Variants in MAP6 observed in about 807,000 individuals in gnomAD.
The protein encoded by MAP6 is microtubule associated protein 6, also known as microtubule-associated protein 6.
A neutral mutation model predicts 42.4 loss-of-function variants in MAP6; 26 were observed. The ratio of observed to expected loss-of-function variants is 0.61; its 90% CI spans 0.45 to 0.85. The LOEUF (loss-of-function observed/expected upper bound fraction) is 0.85, where lower values mean the gene tolerates loss of function less well. Among genes scored for constraint, MAP6 ranks in the 40% least tolerant of loss-of-function variants. MAP6 has a pLI of 0.00. For synonymous variants in MAP6, 418 were observed against 443.8 expected, an observed-to-expected ratio of 0.94 and a Z score of 0.73; for missense variants, 966 against 1,099.0, an observed-to-expected ratio of 0.88 and a Z score of 1.71.
intron 3 of MAP6, among the ~76,000 whole-genome samples, chr11:75,600,514 G>A (rs1298693522): frequency 1.3e-5 from 2 of 152,150 alleles, no homozygotes; most frequent in Non-Finnish European, 2.9e-5. Flanking sequence ...ACACATGCCC[G>A]GTTCTGTGAG....
At position 75,592,718 on chromosome 11, in the gene MAP6, TA is replaced by T. The variant is rs1942503328; in HGVS notation, c.1317-4535del. Among the ~76,000 whole-genome samples, 3 of 152,346 alleles carry T rather than the reference TA, an allele frequency of 2.0e-5. No individual in the cohort carries two copies. The East Asian group carries it at 5.8e-4, about 29-fold the overall frequency. On this transcript the variant is annotated intron_variant, in intron 3 of 3. Coordinates refer to ENST00000304771, the MANE Select transcript of MAP6 (RefSeq NM_033063.2). Reference sequence around the variant, plus strand: ...AATGATCTTTTAAGAGAGCAAACCCTATCTTGTCCCTTCTTTGCTCACAACC... The same window carrying T: ...AATGATCTTTTAAGAGAGCAAACCCTTCTTGTCCCTTCTTTGCTCACAACC...
At chr11:75,649,461 G>T (rs193289524) in intron 1 of MAP6, among the ~76,000 whole-genome samples, 2 of 151,768 alleles carry the variant, frequency 1.3e-5, no homozygotes, top group East Asian at 1.9e-4. Context: ...TGGGCCTAGT[G>T]GGGGGGAAAA....
chr11:75,653,655 A>C (rs1943688757), intron 1 of MAP6, among the ~76,000 whole-genome samples: 2 of 152,250 alleles, frequency 1.3e-5, no homozygotes, highest in African/African-American at 4.8e-5. Flanking sequence ...TAAAATAAAT[A>C]ATTTTTGTGT....
intron 3 of MAP6, among the ~76,000 whole-genome samples, chr11:75,593,163 G>A (rs146117906): frequency 6.6e-5 from 10 of 152,318 alleles, no homozygotes; most frequent in Admixed American, 6.5e-4. Flanking sequence ...CTAGACTGAA[G>A]TGTCCAGAGG....
chr11:75,659,175 T>C (rs1017145283), intron 1 of MAP6, among the ~76,000 whole-genome samples: 2 of 152,186 alleles, frequency 1.3e-5, no homozygotes, highest in Admixed American at 1.3e-4. Flanking sequence ...AAGTCTGTGA[T>C]TTTAACAGTC....
rs185209190 is a variant in MAP6 at position 75,604,007 on chromosome 11, A to G, written c.1316+1801T>C. 310 of 985,838 alleles carry G rather than the reference A, an allele frequency of 3.1e-4. 1 individual carries two copies. Among genetic ancestry groups the G allele is most frequent in the Non-Finnish European group, 3.6e-4 (299 of 829,916 alleles). 61.1% of individuals were successfully genotyped at this position (985,838 alleles called of 1,614,324 possible). ...TTAAGATTAGCTGGCAAAGAGTTGG[A>G]ATCAGTGCCAGGATCCACTCTAGTC... On this transcript the variant is annotated intron_variant, in intron 3 of 3. Coordinates refer to ENST00000304771, the MANE Select transcript of MAP6 (RefSeq NM_033063.2).
rs771897597 is a variant in MAP6 at position 75,605,888 on chromosome 11, G to A, written c.1236C>T (p.Ser412=). 2.9e-5 allele frequency: 46 copies of A among 1,613,982 alleles called. No individual in the cohort carries two copies. In the South Asian group the frequency reaches 2.9e-4, roughly 10 times the overall value. ...GCTTGGTGGTACTCGGGCCCTCCGC[G>A]CTCTTTTTCTTGGCAGCCTGGCCTG... ...AVSGQAAKKK[S]AEGPSTTKPD... Residue 412 remains serine (S), a synonymous_variant, in exon 3 of 4, where the codon AGC becomes AGT. Coordinates refer to ENST00000304771, the MANE Select transcript of MAP6 (RefSeq NM_033063.2).
chr11:75,595,245 C>G lies in MAP6; in HGVS notation c.1317-7061G>C, dbSNP rs544768566. ...AGCTTGCATTGCAGTCAGCTCCACT[C>G]CTTCCTATCTCTGCACTGATCCCTG... On this transcript the variant is annotated intron_variant, in intron 3 of 3. Coordinates refer to ENST00000304771, the MANE Select transcript of MAP6 (RefSeq NM_033063.2). Among the ~76,000 whole-genome samples the G allele has an allele frequency of 7.9e-4, 121 of 152,342 alleles. 1 individual carries two copies. Among genetic ancestry groups the G allele is most frequent in the African/African-American group, 2.7e-3 (113 of 41,578 alleles).
At chr11:75,596,042 A>G (rs1320297223) in intron 3 of MAP6, 1 of 152,258 alleles carries the variant, frequency 6.6e-6, no homozygotes, top group Admixed American at 6.5e-5. Flanking sequence ...CCGCATTTAC[A>G]TGACATGAAA....
At chr11:75,622,227 G>A (rs1943123689) in intron 1 of MAP6, among the ~76,000 whole-genome samples, 1 of 151,748 alleles carries the variant, frequency 6.6e-6, no homozygotes, top group East Asian at 1.9e-4. Flanking sequence ...ATAGGAATAA[G>A]TTTTTTTTGA....
In MAP6 at chr11:75,668,505, T is replaced by A. The variant is rs777225130; in HGVS notation, c.-136A>T. 3.2e-5 allele frequency: 42 copies of A among 1,296,376 alleles called. No individual in the cohort carries two copies. Among genetic ancestry groups the A allele is most frequent in the Non-Finnish European group, 4.1e-5 (41 of 1,000,760 alleles). 80.3% of individuals were successfully genotyped at this position (1,296,376 alleles called of 1,614,324 possible). A position where few individuals can be genotyped will look rare whatever the true frequency, so the allele number is the denominator to read the frequency against. ...TCTACCCCCGATCAGCCGGAGCTAG[T>A]TCGCCCTCCTCCCTCAGCGAGCACC... On this transcript the variant is annotated 5_prime_UTR_variant, in exon 1 of 4. Coordinates refer to ENST00000304771, the MANE Select transcript of MAP6 (RefSeq NM_033063.2).
In MAP6 at chr11:75,587,743, G is replaced by C; in HGVS notation, c.1758C>G (p.Pro586=). ...GATCCTTGACAGATGCTGAGACCAT[G>C]GGACCTTCATCCTTGACAGGTGCTG... ...MVPAPVKDEG[P]MVSASVKDQG... is the part of the protein sequence containing the mutation. The change falls in exon 4 of 4, where the codon CCC becomes CCG. Residue 586 remains proline, a synonymous_variant. Coordinates refer to ENST00000304771, the MANE Select transcript of MAP6 (RefSeq NM_033063.2). 1 of 1,609,006 alleles carries C rather than the reference G, an allele frequency of 6.2e-7. No homozygotes were observed. The highest frequency in any genetic ancestry group is 2.2e-5 in the East Asian group (1 of 44,768).
In MAP6 at chr11:75,667,901, G is replaced by T; in HGVS notation, c.469C>A (p.Gln157Lys). The change falls in exon 1 of 4, where the codon CAG becomes AAG. Residue 157 changes from glutamine (Q) to lysine (K), a missense_variant. By Grantham distance (53) the Gln-to-Lys change is moderately conservative. Around this residue, in one of 2 missense-constraint regions of MAP6, gnomAD observed 943 missense variants for 1,049.9 expected, o/e 0.90. Coordinates refer to ENST00000304771, the MANE Select transcript of MAP6 (RefSeq NM_033063.2). The surrounding 1 kb of genome is among the most constrained non-coding windows in gnomAD (Gnocchi z 5.6). ...AGCGGCCAGGCGCGGAAGTCCTTCT[G>T]GTACTGGGTCTCGCGCTCGAAGGGA... ...DAPFERETQY[Q>K]KDFRAWPLPR... 1 of 1,431,644 alleles carries T rather than the reference G, an allele frequency of 7.0e-7. No homozygotes were observed. Among genetic ancestry groups the T allele is most frequent in the Non-Finnish European group, 9.2e-7 (1 of 1,088,834 alleles). 88.7% of individuals were successfully genotyped at this position (1,431,644 alleles called of 1,614,324 possible).
chr11:75,596,032 C>T (rs972912712), intron 3 of MAP6: 1 of 152,226 alleles, frequency 6.6e-6, no homozygotes, highest in Admixed American at 6.5e-5. Flanking sequence ...ATTCTAACAA[C>T]CGCATTTACA....
intron 3 of MAP6, chr11:75,604,677 G>A: frequency 1.0e-6 from 1 of 985,306 alleles, no homozygotes; most frequent in Non-Finnish European, 1.2e-6. Flanking sequence ...GCCACCCTTG[G>A]GGGCTTTGGC....
intron 3 of MAP6, chr11:75,604,903 T>A: frequency 2.0e-6 from 2 of 985,460 alleles, no homozygotes; most frequent in East Asian, 1.1e-4. Flanking sequence ...TGCCACTACA[T>A]CTACGCCCCC....
chr11:75,602,262 G>C (rs1381591561), intron 3 of MAP6, among the ~76,000 whole-genome samples: 1 of 151,886 alleles, frequency 6.6e-6, no homozygotes, highest in Non-Finnish European at 1.5e-5. Flanking sequence ...AGAGCCTTCC[G>C]CAACTCCCCA....
At chr11:75,656,407 G>T (rs960043554) in intron 1 of MAP6, among the ~76,000 whole-genome samples, 15 of 152,164 alleles carry the variant, frequency 9.9e-5, no homozygotes, top group African/African-American at 3.6e-4. Flanking sequence ...ATAAGGGAAG[G>T]ATAGCAAAGA....
intron 1 of MAP6, among the ~76,000 whole-genome samples, chr11:75,648,951 C>T (rs1027365309): frequency 4.6e-5 from 7 of 152,100 alleles, no homozygotes; most frequent in Non-Finnish European, 4.4e-5. Flanking sequence ...CTTTTATATA[C>T]TATTAGTTGA....
Sources: allele counts gnomAD v4.1 joint callset (sites outside exome capture counted in the v4.1 genomes callset), GRCh38; gene constraint gnomAD v4.1.1; regional missense constraint gnomAD v4.1.1; non-coding constraint Gnocchi (gnomAD v3.1); transcripts MANE v1.5; gene names NCBI Gene and HGNC (gene_info 2026-07-23, HGNC 2026-07-21).